The following NCAM2 variants were observed in gnomAD, a reference collection of about 807,000 sequenced individuals.
The protein encoded by NCAM2 is N-CAM-2.
NCAM2 carries 30 observed loss-of-function variants against 98.1 expected under a neutral mutation model. The ratio of observed to expected loss-of-function variants is 0.31; its 90% confidence interval spans 0.23 to 0.41. The LOEUF (loss-of-function observed/expected upper bound fraction) is 0.41. NCAM2 is among the 10% of genes least tolerant of loss of function. The pLI is 1.00. For missense variants in NCAM2, 867 were observed against 1,005.8 expected (o/e 0.86, Z 1.87); for synonymous variants, 368 against 342.4 (o/e 1.07, Z -0.83).
At chr21:21,390,416 G>C (rs1470731310) in intron 9 of NCAM2, among the ~76,000 whole-genome samples, 1 of 152,018 alleles carries the variant, frequency 6.6e-6, no homozygotes, top group Admixed American at 6.5e-5. Context: ...AGTCTTCTCA[G>C]ATCATATTTT....
chr21:21,114,310 C>T (rs989637621), intron 1 of NCAM2, among the ~76,000 whole-genome samples: 1 of 152,138 alleles, frequency 6.6e-6, no homozygotes, highest in African/African-American at 2.4e-5. Context: ...GCCCTTTGCT[C>T]TCTACAAAAA....
chr21:21,496,716 G>A lies in NCAM2; in HGVS notation c.2078-12135G>A, dbSNP rs189975332. ...CCAATGTCAAGAAGAATATTTCTTAGGTTGTCGTCCAGGATTTTTATAGTC... is the reference window on the plus strand; with the variant it reads ...CCAATGTCAAGAAGAATATTTCTTAAGTTGTCGTCCAGGATTTTTATAGTC... On this transcript the variant is annotated intron_variant, in intron 15 of 17. Coordinates refer to ENST00000400546, the MANE Select transcript of NCAM2 (RefSeq NM_004540.5). Among the ~76,000 whole-genome samples the A allele has an allele frequency of 7.1e-4, 108 of 152,210 alleles. No individual in the cohort carries two copies. In the Middle Eastern group the frequency reaches 0.01, roughly 14 times the overall value.
intron 1 of NCAM2, among the ~76,000 whole-genome samples, chr21:21,077,872 A>G (rs1601298202): frequency 6.6e-6 from 1 of 152,174 alleles, no homozygotes; most frequent in South Asian, 2.1e-4. Context: ...AAAAATTGAT[A>G]TGTAACTTTT....
At chr21:21,196,415 C>A (rs564508720) in intron 1 of NCAM2, among the ~76,000 whole-genome samples, 40 of 152,194 alleles carry the variant, frequency 2.6e-4, no homozygotes, top group Non-Finnish European at 4.0e-4. Flanking sequence ...CATTTTACAT[C>A]ACAGTTGAAT....
rs1032803943 is a variant in NCAM2, at chr21:21,523,550, G to T, written c.2283-10987G>T. 2.6e-5 allele frequency among the ~76,000 whole-genome samples: 4 copies of T among 151,788 alleles called. No homozygotes were observed. The East Asian group carries it at 7.7e-4, about 29-fold the overall frequency. ...TTACTTTTCTTATTCTTATTCATAA[G>T]ATTATTGAAAATAATGGAAACAATG... On this transcript the variant is annotated intron_variant, in intron 16 of 17. Transcript: ENST00000400546.
At position 21,276,070 on chromosome 21, in the gene NCAM2, A is replaced by G. The variant is rs550553330; in HGVS notation, c.56-4508A>G. On this transcript the variant is annotated intron_variant, in intron 1 of 17. Transcript: ENST00000400546. ...ATGTGGAATGCCCTTATTCTTTTCT[A>G]TCCTTTTATAACAATATCTATGGCA... Among the ~76,000 whole-genome samples the G allele has an allele frequency of 2.5e-4, 38 of 152,140 alleles. 2 individuals are homozygous for G. In the South Asian group the frequency reaches 7.7e-3, roughly 31 times the overall value.
At chr21:21,508,773 A>C in intron 15 of NCAM2, 78 bp from the exon 16 acceptor site, 3 of 993,234 alleles carry the variant, frequency 3.0e-6, no homozygotes, top group Non-Finnish European at 4.2e-6. Context: ...TAATCATCTA[A>C]TATTTTCTAA....
At chr21:21,297,100 A>C (rs536611699) in intron 5 of NCAM2, among the ~76,000 whole-genome samples, 1 of 151,900 alleles carries the variant, frequency 6.6e-6, no homozygotes, top group African/African-American at 2.4e-5. Flanking sequence ...CACAAAGTTG[A>C]GTTAATGACT....
At chr21:21,196,975 C>T (rs1452333047) in intron 1 of NCAM2, among the ~76,000 whole-genome samples, 2 of 152,134 alleles carry the variant, frequency 1.3e-5, no homozygotes, top group Non-Finnish European at 2.9e-5. Context: ...ACTCCTCCTG[C>T]TCCAACCATG....
At chr21:21,014,810 A>G (rs749522344) in intron 1 of NCAM2, among the ~76,000 whole-genome samples, 2 of 152,186 alleles carry the variant, frequency 1.3e-5, no homozygotes, top group Non-Finnish European at 2.9e-5. Flanking sequence ...AAGTCAATTG[A>G]AAACCTTCTG....
intron 8 of NCAM2, among the ~76,000 whole-genome samples, chr21:21,369,540 A>G (rs2075866314): frequency 6.6e-6 from 1 of 151,884 alleles, no homozygotes; most frequent in South Asian, 2.1e-4. Context: ...TTTTATACAA[A>G]ACATCTGCAC....
In NCAM2 at chr21:21,311,198, T is replaced by G. The variant is rs75875095; in HGVS notation, c.620-13185T>G. ...AATTTTACTTTTTTTCTATCTTGAG[T>G]CTACAAATATATTAACATGGTATAT... is the stretch of plus-strand genomic sequence containing the variant. On this transcript the variant is annotated intron_variant, in intron 5 of 17. Transcript: ENST00000400546. 7.6e-3 allele frequency among the ~76,000 whole-genome samples: 1,161 copies of G among 152,294 alleles called. 18 individuals carry two copies. The highest frequency in any genetic ancestry group is 0.026 in the African/African-American group (1,086 of 41,564).
intron 1 of NCAM2, among the ~76,000 whole-genome samples, chr21:21,066,419 C>T (rs1013943888): frequency 6.6e-6 from 1 of 151,090 alleles, no homozygotes; most frequent in African/African-American, 2.4e-5. Context: ...ATAACATATA[C>T]ACACACACAC....
chr21:21,063,225 TTTTTTTTTTTTTTG>T (rs2065359175), intron 1 of NCAM2, among the ~76,000 whole-genome samples: 1 of 131,260 alleles, frequency 7.6e-6, no homozygotes, highest in South Asian at 2.7e-4. Flanking sequence ...TTTTTTTTTT[TTTTTTTTTTTTTTG>T]AGCCGGAGTC....
intron 1 of NCAM2, among the ~76,000 whole-genome samples, chr21:21,179,067 C>T (rs924896669): frequency 2.0e-5 from 3 of 152,052 alleles, no homozygotes; most frequent in African/African-American, 7.2e-5. Context: ...TCAGAGCTGC[C>T]TCTGAACTTT....
chr21:21,080,612 G>A (rs1460728926), intron 1 of NCAM2, among the ~76,000 whole-genome samples: 6 of 61,048 alleles, frequency 9.8e-5, no homozygotes, highest in Non-Finnish European at 1.4e-4. Context: ...GCAAAACTCT[G>A]TCAAAAAAAA....
intron 12 of NCAM2, among the ~76,000 whole-genome samples, chr21:21,452,953 TATATTATATATTATATA>T (rs1981465023): frequency 1.7e-5 from 1 of 60,008 alleles, no homozygotes; most frequent in Non-Finnish European, 3.1e-5. Context: ...ATTTATACTA[TATATTATATATTATATA>T]TTATTATATA....
intron 1 of NCAM2, among the ~76,000 whole-genome samples, chr21:21,229,143 G>C (rs2070513298): frequency 6.6e-6 from 1 of 151,344 alleles, no homozygotes; most frequent in South Asian, 2.1e-4. Flanking sequence ...CTTGCTTGGA[G>C]ATGTTAATGT....
At chr21:21,344,614 T>C (rs890223050) in intron 8 of NCAM2, among the ~76,000 whole-genome samples, 5 of 152,000 alleles carry the variant, frequency 3.3e-5, no homozygotes, top group Non-Finnish European at 5.9e-5. Flanking sequence ...CACAGTACCA[T>C]AGAACACCAG....
Sources: gnomAD v4.1 joint callset for allele counts (sites outside exome capture counted in the v4.1 genomes callset) on GRCh38, gnomAD v4.1.1 for gene constraint, MANE v1.5 for transcripts, NCBI Gene and HGNC (gene_info 2026-07-23, HGNC 2026-07-21) for gene names.